The following SRGAP3 variants were observed in gnomAD, a reference collection of about 807,000 sequenced individuals.
SRGAP3 encodes the protein SLIT-ROBO Rho GTPase activating protein 3.
SRGAP3 carries 39 observed loss-of-function variants against 121.1 expected under a neutral mutation model. The ratio of observed to expected loss-of-function variants is 0.32; its 90% CI spans 0.25 to 0.42. The LOEUF is 0.42. Among genes scored for constraint, SRGAP3 ranks in the 10% least tolerant of loss-of-function variants. The pLI is 1.00. For missense variants in SRGAP3, 1,213 were observed against 1,470.6 expected (o/e 0.82, Z 2.86); for synonymous variants, 601 against 570.0 (o/e 1.05, Z -0.77).
intron 1 of SRGAP3, among the ~76,000 whole-genome samples, chr3:9,154,503 G>A (rs920561165): frequency 1.3e-5 from 2 of 150,198 alleles, no homozygotes; most frequent in Non-Finnish European, 1.5e-5. Context: ...CTACCTCTAC[G>A]TCTCAAGGCC....
intron 1 of SRGAP3, among the ~76,000 whole-genome samples, chr3:9,165,628 G>A (rs1336290880): frequency 6.6e-6 from 1 of 152,104 alleles, no homozygotes; most frequent in Non-Finnish European, 1.5e-5. Flanking sequence ...AAAATCCTCA[G>A]CAGAACCCAC....
At chr3:9,312,305 C>T (rs932839199) in intron 3 of SRGAP3, among the ~76,000 whole-genome samples, 9 of 152,178 alleles carry the variant, frequency 5.9e-5, no homozygotes, top group African/African-American at 2.2e-4. Flanking sequence ...CAGGCACCCA[C>T]CACCACGCCC....
intron 18 of SRGAP3, among the ~76,000 whole-genome samples, chr3:8,997,236 C>T (rs1942459811): frequency 6.6e-6 from 1 of 152,204 alleles, no homozygotes; most frequent in African/African-American, 2.4e-5. Flanking sequence ...TCATCTTCCC[C>T]ATCTCAGGAA....
intron 9 of SRGAP3, 77 bp downstream of exon 9, chr3:9,052,950 T>G: frequency 1.9e-6 from 3 of 1,543,690 alleles, no homozygotes; most frequent in Non-Finnish European, 2.7e-6. Flanking sequence ...TGGTTCTCAG[T>G]AGCTTGGGTT....
intron 3 of SRGAP3, among the ~76,000 whole-genome samples, chr3:9,098,381 C>T (rs541064182): frequency 6.6e-6 from 1 of 152,338 alleles, no homozygotes; most frequent in East Asian, 1.9e-4. Flanking sequence ...AAATGATCCT[C>T]CTGCCTCAAC....
chr3:9,130,977 C>T (rs992059462), intron 1 of SRGAP3, among the ~76,000 whole-genome samples: 3 of 152,310 alleles, frequency 2.0e-5, no homozygotes, highest in Admixed American at 6.5e-5. Flanking sequence ...AGCAGTTTGC[C>T]GGGCTCAAAA....
At chr3:9,009,844 T>C (rs1479626416) in intron 18 of SRGAP3, among the ~76,000 whole-genome samples, 2 of 152,268 alleles carry the variant, frequency 1.3e-5, no homozygotes, top group African/African-American at 4.8e-5. Context: ...CTTTGCACCA[T>C]GAGAAGCTAC....
At chr3:9,025,955 GT>G (rs1410680317) in intron 13 of SRGAP3, among the ~76,000 whole-genome samples, 4 of 152,114 alleles carry the variant, frequency 2.6e-5, no homozygotes, top group Admixed American at 2.6e-4. Context: ...TCAAAGTTTG[GT>G]TTGTATATAG....
chr3:9,113,301 G>A (rs1204902903), intron 2 of SRGAP3, among the ~76,000 whole-genome samples: 3 of 152,174 alleles, frequency 2.0e-5, no homozygotes, highest in Non-Finnish European at 4.4e-5. Context: ...ATCTGTCCCA[G>A]GCCTCTCTCC....
chr3:9,279,420 G>A (rs1439589898), intron 3 of SRGAP3, among the ~76,000 whole-genome samples: 1 of 151,978 alleles, frequency 6.6e-6, no homozygotes, highest in African/African-American at 2.4e-5. Flanking sequence ...AAGTCATTAT[G>A]ACCATGGCAG....
intron 3 of SRGAP3, among the ~76,000 whole-genome samples, chr3:9,280,155 G>A (rs539448975): frequency 2.2e-4 from 33 of 152,314 alleles, no homozygotes; most frequent in Non-Finnish European, 4.1e-4. Context: ...GGGTTCCTAG[G>A]AGACAGCCAC....
chr3:9,113,777 C>T (rs749090520), intron 2 of SRGAP3, among the ~76,000 whole-genome samples: 5 of 152,046 alleles, frequency 3.3e-5, no homozygotes, highest in Non-Finnish European at 5.9e-5. Context: ...GGGGGTTCCC[C>T]CTTCACTGGG....
intron 17 of SRGAP3, among the ~76,000 whole-genome samples, chr3:9,012,648 C>A (rs1943433346): frequency 6.6e-6 from 1 of 152,054 alleles, no homozygotes; most frequent in Admixed American, 6.6e-5. Context: ...TGAGAGGAGA[C>A]AAGGGTAGGA....
In SRGAP3 at chr3:9,027,108, T is replaced by C. The variant is rs976344042; in HGVS notation, c.1540-113A>G. 1.9e-5 allele frequency: 19 copies of C among 985,782 alleles called. No homozygotes were observed. The African/African-American group carries it at 2.6e-4, about 13-fold the overall frequency. The allele number at this position is 985,782 out of a possible 1,614,324, so 61.1% of individuals were successfully genotyped here. On this transcript the variant is annotated intron_variant, in intron 12 of 21. Coordinates refer to ENST00000383836, the MANE Select transcript of SRGAP3 (RefSeq NM_014850.4). ...CAGAATATTAGTACCATCAGATTAG[T>C]AGGAAAACAAGCAAGGAACTGCTAA... is the stretch of plus-strand genomic sequence containing the variant.
intron 1 of SRGAP3, among the ~76,000 whole-genome samples, chr3:9,175,253 C>T (rs752757809): frequency 3.9e-5 from 6 of 152,200 alleles, no homozygotes; most frequent in Non-Finnish European, 8.8e-5. Flanking sequence ...TGGTTTCTAT[C>T]TCTAACAGGG....
chr3:9,194,513 G>A (rs1361345312), intron 1 of SRGAP3: 1 of 152,334 alleles, frequency 6.6e-6, no homozygotes, highest in East Asian at 1.9e-4. Flanking sequence ...GGTTCTGCAG[G>A]TAATACAGTG....
At chr3:9,029,919 T>A (rs1316299703) in intron 12 of SRGAP3, among the ~76,000 whole-genome samples, 5 of 150,560 alleles carry the variant, frequency 3.3e-5, no homozygotes, top group Non-Finnish European at 7.4e-5. Flanking sequence ...TTGGGAAGGA[T>A]CCCTTGGGCC....
chr3:9,080,137 A>G (rs764891268), intron 3 of SRGAP3, 50 bp from the exon 4 acceptor site: 10 of 1,592,488 alleles, frequency 6.3e-6, no homozygotes, highest in Admixed American at 1.7e-5. Context: ...TGCTGGCTAC[A>G]TTTACCAATC....
At chr3:9,302,958 T>C (rs1955091041) in intron 3 of SRGAP3, among the ~76,000 whole-genome samples, 1 of 51,314 alleles carries the variant, frequency 1.9e-5, no homozygotes, top group Admixed American at 2.1e-4. Context: ...CCACCTTTTG[T>C]CACCACTTTT....
Sources: gnomAD v4.1 joint callset for allele counts (sites outside exome capture counted in the v4.1 genomes callset) on GRCh38, gnomAD v4.1.1 for gene constraint, MANE v1.5 for transcripts, NCBI Gene and HGNC (gene_info 2026-07-23, HGNC 2026-07-21) for gene names.